SPAG16: variants seen among roughly 807,000 people sequenced by gnomAD.
The protein encoded by SPAG16 is sperm associated antigen 16.
Under a neutral mutation model 80.4 loss-of-function variants are expected in SPAG16, and 86 were observed. The observed-to-expected ratio is 1.07, with a 90% CI of 0.90 to 1.28. The LOEUF (loss-of-function observed/expected upper bound fraction) is 1.28. SPAG16 is among the 50% of genes most tolerant of loss of function. SPAG16 has a pLI of 0.00. For missense variants in SPAG16, 870 were observed against 765.3 expected (o/e 1.14, Z -1.61); for synonymous variants, 294 against 265.9 (o/e 1.11, Z -1.03).
intron 10 of SPAG16, among the ~76,000 whole-genome samples, chr2:213,571,877 A>T (rs1411974725): frequency 7.3e-6 from 1 of 136,614 alleles, no homozygotes; most frequent in African/African-American, 3.3e-5. Context: ...AGGTACACCA[A>T]TCAGACATAG....
chr2:214,281,766 T>C (rs910409240), intron 15 of SPAG16, among the ~76,000 whole-genome samples: 4 of 152,236 alleles, frequency 2.6e-5, no homozygotes, highest in African/African-American at 9.6e-5. Context: ...TTATATTCAA[T>C]AGTCAAAAAC....
chr2:213,654,040 A>G (rs1463062483), intron 10 of SPAG16, among the ~76,000 whole-genome samples: 1 of 152,248 alleles, frequency 6.6e-6, no homozygotes, highest in Non-Finnish European at 1.5e-5. Flanking sequence ...ATAGAAATTG[A>G]TAGACTACAG....
chr2:213,755,960 A>T (rs551966807), intron 10 of SPAG16, among the ~76,000 whole-genome samples: 5 of 152,174 alleles, frequency 3.3e-5, no homozygotes, highest in Non-Finnish European at 7.3e-5. Flanking sequence ...ATCAATATCT[A>T]TATACCTATA....
intron 6 of SPAG16, among the ~76,000 whole-genome samples, chr2:213,343,895 T>C (rs113499636): frequency 6.6e-6 from 1 of 152,226 alleles, no homozygotes; most frequent in African/African-American, 2.4e-5. Context: ...TAGTCCATCA[T>C]AGGTGTGTAT....
chr2:214,258,421 C>A (rs1322271191), intron 15 of SPAG16, among the ~76,000 whole-genome samples: 1 of 149,772 alleles, frequency 6.7e-6, no homozygotes, highest in Non-Finnish European at 1.5e-5. Flanking sequence ...TTATTTCGTT[C>A]TTTTTTATGG....
intron 15 of SPAG16, among the ~76,000 whole-genome samples, chr2:214,290,999 C>G (rs993749059): frequency 6.6e-6 from 1 of 152,124 alleles, no homozygotes; most frequent in African/African-American, 2.4e-5. Flanking sequence ...GTACCTCTCT[C>G]TTTAGATCTG....
At chr2:213,679,274 T>G (rs2064259968) in intron 10 of SPAG16, among the ~76,000 whole-genome samples, 1 of 152,218 alleles carries the variant, frequency 6.6e-6, no homozygotes, top group African/African-American at 2.4e-5. Context: ...ACATTTTTAC[T>G]TACAATTTCT....
chr2:214,332,812 C>A (rs1036352723), intron 15 of SPAG16, among the ~76,000 whole-genome samples: 2 of 152,038 alleles, frequency 1.3e-5, no homozygotes, highest in African/African-American at 4.8e-5. Context: ...AGTTCAGAGG[C>A]TAAGGAACTA....
chr2:213,760,485 A>T (rs1381976734), intron 10 of SPAG16, among the ~76,000 whole-genome samples: 3 of 149,754 alleles, frequency 2.0e-5, no homozygotes, highest in African/African-American at 7.3e-5. Context: ...GTTGAAGATG[A>T]ATAAATCACT....
chr2:213,855,068 G>A (rs1481552383), intron 10 of SPAG16, among the ~76,000 whole-genome samples: 3 of 152,170 alleles, frequency 2.0e-5, no homozygotes, highest in African/African-American at 7.2e-5. Flanking sequence ...GACCATGAGT[G>A]TTTCTTTAGC....
At chr2:213,317,149 A>G in intron 4 of SPAG16, 70 bp from the exon 5 acceptor site, 10 of 956,282 alleles carry the variant, frequency 1.0e-5, no homozygotes, top group Non-Finnish European at 1.6e-5. Flanking sequence ...TAACTTTTTG[A>G]ATTGTACATA....
chr2:214,126,033 TCC>T (rs1559822953), intron 14 of SPAG16, among the ~76,000 whole-genome samples: 9,071 of 67,544 alleles, frequency 0.13, 1,967 homozygotes, highest in Non-Finnish European at 0.17. Flanking sequence ...CTTCCTTCCT[TCC>T]TTCCTTCCTT....
rs761917018 is a variant in SPAG16 at position 214,085,139 on chromosome 2, G to A, written c.1528-23057G>A. ...GCAGAACTTATAAAGTCAAAGTTGC[G>A]TAAAGCCATGAGAAATTTGGTTTGA... On this transcript the variant is annotated intron_variant, in intron 13 of 15. Transcript: ENST00000331683. 5.3e-5 allele frequency among the ~76,000 whole-genome samples: 8 copies of A among 152,234 alleles called. 1 individual carries two copies. The highest frequency in any genetic ancestry group is 8.8e-5 in the Non-Finnish European group (6 of 67,992).
intron 12 of SPAG16, among the ~76,000 whole-genome samples, chr2:213,932,171 TATATATATATATATATATATATATATA>T (rs1559602428): frequency 3.8e-5 from 3 of 79,068 alleles, no homozygotes; most frequent in African/African-American, 1.4e-4. Context: ...TATATATATA[TATATATATATATATATATATATATATA>T]TTTGTTGTTG....
At chr2:213,798,426 GT>G in intron 10 of SPAG16, among the ~76,000 whole-genome samples, 1 of 150,452 alleles carries the variant, frequency 6.6e-6, no homozygotes, top group South Asian at 2.1e-4. Flanking sequence ...GCTAATTTTT[GT>G]TTTTTTTTAT....
At chr2:214,303,148 A>G (rs542401956) in intron 15 of SPAG16, among the ~76,000 whole-genome samples, 1 of 152,288 alleles carries the variant, frequency 6.6e-6, no homozygotes, top group South Asian at 2.1e-4. Flanking sequence ...TATATGTGAA[A>G]TTTTGTTCCT....
chr2:213,497,722 C>T (rs1285174902), intron 10 of SPAG16, among the ~76,000 whole-genome samples: 1 of 152,000 alleles, frequency 6.6e-6, no homozygotes, highest in African/African-American at 2.4e-5. Context: ...AAAATCCCAC[C>T]CTTTAACTAC....
chr2:214,183,495 C>T (rs2057369730), intron 15 of SPAG16, among the ~76,000 whole-genome samples: 1 of 151,976 alleles, frequency 6.6e-6, no homozygotes, highest in Admixed American at 6.6e-5. Context: ...CTATGGCTCT[C>T]AGCTTGTTCA....
chr2:213,457,848 A>C (rs529481413), intron 9 of SPAG16, among the ~76,000 whole-genome samples: 27 of 151,982 alleles, frequency 1.8e-4, no homozygotes, highest in African/African-American at 6.0e-4. Context: ...ATTTTACTAC[A>C]TACTTTCTTT....
Sources: allele counts gnomAD v4.1 joint callset (sites outside exome capture counted in the v4.1 genomes callset), GRCh38; gene constraint gnomAD v4.1.1; transcripts MANE v1.5; gene names NCBI Gene and HGNC (gene_info 2026-07-23, HGNC 2026-07-21).